The following CSMD1 variants were observed in gnomAD, a reference collection of about 807,000 sequenced individuals.
CSMD1 encodes CUB and Sushi multiple domains 1.
Under a neutral mutation model 417.5 loss-of-function variants are expected in CSMD1, and 213 were observed. The observed-to-expected ratio is 0.51, with a 90% CI of 0.46 to 0.57. CSMD1 has a LOEUF of 0.57. Ranked by LOEUF, CSMD1 falls within the 20% of genes least tolerant of loss-of-function variation. CSMD1 has a pLI of 0.00. For missense variants in CSMD1, 6,923 were observed against 4,529.7 expected, an observed-to-expected ratio of 1.53 and a Z score of -15.17; for synonymous variants, 2,862 against 1,736.8, an observed-to-expected ratio of 1.65 and a Z score of -16.11.
chr8:3,762,619 C>G (rs151236726), intron 5 of CSMD1, among the ~76,000 whole-genome samples: 1 of 152,206 alleles, frequency 6.6e-6, no homozygotes, highest in Admixed American at 6.5e-5. Context: ...GGCCCTAAGC[C>G]GCTCTTGTCT....
chr8:4,954,195 T>A (rs1404189529), intron 1 of CSMD1, among the ~76,000 whole-genome samples: 1 of 152,124 alleles, frequency 6.6e-6, no homozygotes, highest in Non-Finnish European at 1.5e-5. Context: ...AGAAAACACA[T>A]TATGTGTTCC....
intron 3 of CSMD1, among the ~76,000 whole-genome samples, chr8:4,251,843 G>A (rs1803102805): frequency 6.7e-6 from 1 of 149,402 alleles, no homozygotes; most frequent in South Asian, 2.2e-4. Flanking sequence ...GAGGAGAGAT[G>A]CAGGAGGAGA....
intron 26 of CSMD1, among the ~76,000 whole-genome samples, chr8:3,280,459 C>T (rs901991202): frequency 3.3e-5 from 5 of 152,186 alleles, no homozygotes; most frequent in African/African-American, 1.2e-4. Context: ...TTTTTCCTTT[C>T]AATAAACTTC....
intron 3 of CSMD1, among the ~76,000 whole-genome samples, chr8:4,385,083 C>T (rs1049546582): frequency 7.9e-5 from 12 of 152,140 alleles, no homozygotes; most frequent in African/African-American, 2.9e-4. Context: ...CCTTCCAGCA[C>T]ACCCAGCTAA....
chr8:3,096,755 A>T, intron 47 of CSMD1, 94 bp downstream of exon 47: 2 of 863,698 alleles, frequency 2.3e-6, no homozygotes, highest in Non-Finnish European at 3.5e-6. Flanking sequence ...TTAACTCAAG[A>T]ATATATTCCA....
At position 4,689,744 on chromosome 8, in the gene CSMD1, T is replaced by C. The variant is rs867362738; in HGVS notation, c.86-52186A>G. On this transcript the variant is annotated intron_variant, in intron 1 of 69. Transcript: ENST00000635120. The stretch of plus-strand genomic sequence containing the variant: ...TCGTCTTTGGCTGCAGTTATTTCTG[T>C]ACCTGATGACCTCTTCTATTAAAAT... 2.7e-4 allele frequency among the ~76,000 whole-genome samples: 41 copies of C among 152,186 alleles called. 1 individual carries two copies. Among genetic ancestry groups the C allele is most frequent in the Admixed American group, 2.2e-3 (33 of 15,276 alleles).
intron 1 of CSMD1, among the ~76,000 whole-genome samples, chr8:4,686,175 G>T (rs1303763185): frequency 6.6e-6 from 1 of 152,192 alleles, no homozygotes; most frequent in African/African-American, 2.4e-5. Flanking sequence ...AGCAGTGCAA[G>T]GAACGTACCC....
intron 3 of CSMD1, among the ~76,000 whole-genome samples, chr8:4,236,039 G>GTTTTTT (rs869245155): frequency 1.3e-4 from 4 of 31,698 alleles, no homozygotes; most frequent in African/African-American, 2.7e-4. Context: ...TTTTTTGTTT[G>GTTTTTT]TTTTTTTTTT....
At chr8:4,622,717 G>T (rs1297297849) in intron 2 of CSMD1, among the ~76,000 whole-genome samples, 2 of 152,108 alleles carry the variant, frequency 1.3e-5, no homozygotes, top group East Asian at 1.9e-4. Context: ...TCCCACCTGT[G>T]CCTGTGTTCC....
At chr8:3,781,842 G>T (rs1025531776) in intron 5 of CSMD1, among the ~76,000 whole-genome samples, 4 of 152,028 alleles carry the variant, frequency 2.6e-5, no homozygotes, top group Non-Finnish European at 5.9e-5. Flanking sequence ...ATACTTCCTA[G>T]ATTCATTTGT....
At chr8:3,619,230 C>G (rs528785826) in intron 7 of CSMD1, among the ~76,000 whole-genome samples, 3 of 152,220 alleles carry the variant, frequency 2.0e-5, no homozygotes, top group African/African-American at 4.8e-5. Context: ...CACACAAACC[C>G]AGACAGGACA....
chr8:4,496,488 G>A (rs1801985012), intron 2 of CSMD1, among the ~76,000 whole-genome samples: 2 of 152,172 alleles, frequency 1.3e-5, no homozygotes, highest in Admixed American at 6.5e-5. Flanking sequence ...CTCCGTTTGC[G>A]GAACTTGTAA....
At chr8:4,320,151 CTTTA>C (rs1358912764) in intron 3 of CSMD1, among the ~76,000 whole-genome samples, 1 of 152,122 alleles carries the variant, frequency 6.6e-6, no homozygotes, top group Non-Finnish European at 1.5e-5. Flanking sequence ...AAGCACAAAA[CTTTA>C]TTTAGAGAAA....
In CSMD1 at chr8:4,248,976, C is replaced by G. The variant is rs540086475; in HGVS notation, c.415+170977G>C. On this transcript the variant is annotated intron_variant, in intron 3 of 69. Transcript: ENST00000635120. ...TAATGCTACTTTTAATATCATAATTCAAAACATAAACAAACACTAGACCAT... is the reference window on the plus strand; with the variant it reads ...TAATGCTACTTTTAATATCATAATTGAAAACATAAACAAACACTAGACCAT... Among the ~76,000 whole-genome samples, 3 of 152,222 alleles carry G rather than the reference C, an allele frequency of 2.0e-5. No individual in the cohort carries two copies. In the East Asian group the frequency reaches 5.8e-4, roughly 29 times the overall value.
At chr8:4,016,470 C>A (rs1796528927) in intron 4 of CSMD1, among the ~76,000 whole-genome samples, 1 of 152,028 alleles carries the variant, frequency 6.6e-6, no homozygotes, top group African/African-American at 2.4e-5. Flanking sequence ...CAGGCCTCTG[C>A]CCAAGAATGC....
At chr8:3,532,746 T>C (rs180768801) in intron 10 of CSMD1, among the ~76,000 whole-genome samples, 1 of 152,320 alleles carries the variant, frequency 6.6e-6, no homozygotes, top group African/African-American at 2.4e-5. Context: ...TATCTATTGA[T>C]CAATATATAG....
At chr8:3,484,083 G>T (rs550044736) in intron 11 of CSMD1, among the ~76,000 whole-genome samples, 1 of 152,140 alleles carries the variant, frequency 6.6e-6, no homozygotes, top group Admixed American at 6.5e-5. Flanking sequence ...TATGTTTATG[G>T]TACTCTCAAA....
At chr8:4,328,995 A>G (rs1362312046) in intron 3 of CSMD1, among the ~76,000 whole-genome samples, 1 of 152,190 alleles carries the variant, frequency 6.6e-6, no homozygotes, top group African/African-American at 2.4e-5. Flanking sequence ...TTTTGTGTTT[A>G]CTATTCCTCT....
At chr8:3,655,780 G>A (rs62474665) in intron 7 of CSMD1, among the ~76,000 whole-genome samples, 188 of 152,092 alleles carry the variant, frequency 1.2e-3, no homozygotes, top group Non-Finnish European at 2.2e-3. Context: ...AGGCAGGAAA[G>A]GTAGAGTCTA....
Sources: allele counts gnomAD v4.1 joint callset (sites outside exome capture counted in the v4.1 genomes callset), GRCh38; gene constraint gnomAD v4.1.1; transcripts MANE v1.5; gene names NCBI Gene and HGNC (gene_info 2026-07-23, HGNC 2026-07-21).